The following UNC13C variants were observed in gnomAD, a reference collection of about 807,000 sequenced individuals.
The protein encoded by UNC13C is protein unc-13 homolog C.
A neutral mutation model predicts 245.4 loss-of-function variants in UNC13C; 174 were observed. The ratio of observed to expected loss-of-function variants is 0.71; its 90% CI spans 0.63 to 0.80. The LOEUF (loss-of-function observed/expected upper bound fraction) is 0.80. UNC13C is among the 30% of genes least tolerant of loss of function. UNC13C has a pLI of 0.00. For missense variants in UNC13C, 2,829 were observed against 2,602.9 expected, an observed-to-expected ratio of 1.09 and a Z score of -1.89; for synonymous variants, 992 against 895.1, an observed-to-expected ratio of 1.11 and a Z score of -1.93.
At chr15:54,390,375 A>G (rs1434959393) in intron 17 of UNC13C, among the ~76,000 whole-genome samples, 1 of 152,116 alleles carries the variant, frequency 6.6e-6, no homozygotes. Context: ...TGACTTTGTA[A>G]ACATGACCAT....
Position 54,014,786 on chromosome 15 carries a change from G to C in UNC13C, c.1883G>C (p.Gly628Ala), listed in dbSNP as rs977815317. Residue 628 changes from glycine to alanine, a missense_variant, in exon 2 of 33, where the codon GGA becomes GCA. By Grantham distance (60) the Gly-to-Ala change is moderately conservative (BLOSUM62 0). Coordinates refer to ENST00000260323, the MANE Select transcript of UNC13C (RefSeq NM_001080534.3). ...GAAAACACAGAAACTGTGGATAGTG[G>C]AATGAGTAATGGCATGGTGTGTGCA... is the stretch of plus-strand genomic sequence containing the variant. ...ETENTETVDS[G>A]MSNGMVCASG... 14 of 1,613,888 alleles carry C rather than the reference G, an allele frequency of 8.7e-6. No homozygotes were observed. The highest frequency in any genetic ancestry group is 1.1e-5 in the Non-Finnish European group (13 of 1,179,846).
chr15:54,507,894 T>A (rs74016633), intron 23 of UNC13C, among the ~76,000 whole-genome samples: 15,525 of 151,308 alleles, frequency 0.1, 2,021 homozygotes, highest in African/African-American at 0.31. Flanking sequence ...GGTTTTTTTT[T>A]AAAAAAAAGA....
At chr15:54,088,370 G>A (rs1442117846) in intron 2 of UNC13C, among the ~76,000 whole-genome samples, 1 of 151,946 alleles carries the variant, frequency 6.6e-6, no homozygotes. Context: ...AGGAAAAGTT[G>A]GGCAGAGAGG....
chr15:54,552,646 T>G (rs1241075354), intron 28 of UNC13C, among the ~76,000 whole-genome samples: 1 of 80,238 alleles, frequency 1.2e-5, no homozygotes, highest in Admixed American at 2.2e-4. Context: ...TATAATATAA[T>G]TATATAATTA....
Position 54,623,794 on chromosome 15 carries a change from G to C in UNC13C, c.6200-1G>C. 1 of 1,601,284 alleles carries C rather than the reference G, an allele frequency of 6.2e-7. No individual in the cohort carries two copies. The highest frequency in any genetic ancestry group is 8.5e-7 in the Non-Finnish European group (1 of 1,175,326). ...AAAATGTGATATTTCCTTTTTTTTA[G>C]TGATTGCTATTAATGACCTAAACTG... On this transcript the variant is annotated splice_acceptor_variant, in intron 31 of 32. Coordinates refer to ENST00000260323, the MANE Select transcript of UNC13C (RefSeq NM_001080534.3). LOFTEE classifies it high-confidence loss of function.
At chr15:54,188,497 T>A (rs2034071703) in intron 4 of UNC13C, among the ~76,000 whole-genome samples, 1 of 152,198 alleles carries the variant, frequency 6.6e-6, no homozygotes, top group Non-Finnish European at 1.5e-5. Flanking sequence ...CTACATTTAT[T>A]TTAAATTCAT....
At chr15:54,554,092 A>G (rs1256582203) in intron 28 of UNC13C, among the ~76,000 whole-genome samples, 2 of 152,032 alleles carry the variant, frequency 1.3e-5, no homozygotes, top group Non-Finnish European at 2.9e-5. Flanking sequence ...GCAGTATCCA[A>G]AGACAATGAT....
intron 19 of UNC13C, chr15:54,416,972 T>G (rs1294784163): frequency 4.4e-6 from 2 of 456,606 alleles, no homozygotes; most frequent in African/African-American, 2.0e-5. Context: ...TAAGCAGCCA[T>G]GGAGGGCTCA....
At chr15:54,409,487 G>C (rs1183476877) in intron 18 of UNC13C, among the ~76,000 whole-genome samples, 1 of 152,068 alleles carries the variant, frequency 6.6e-6, no homozygotes, top group African/African-American at 2.4e-5. Flanking sequence ...CAGATGATAA[G>C]CATAGTAGCC....
chr15:54,227,933 C>G (rs2035438903), intron 4 of UNC13C, among the ~76,000 whole-genome samples: 1 of 152,198 alleles, frequency 6.6e-6, no homozygotes, highest in Non-Finnish European at 1.5e-5. Context: ...TCCTTCCCTT[C>G]AGGATAGTGA....
intron 17 of UNC13C, among the ~76,000 whole-genome samples, chr15:54,383,969 A>G (rs991435888): frequency 3.3e-5 from 5 of 152,148 alleles, no homozygotes; most frequent in Non-Finnish European, 7.4e-5. Context: ...AAAGACCTCT[A>G]CAAGGAAAAC....
Position 54,561,450 on chromosome 15 carries a change from G to A in UNC13C, c.5958+5938G>A, listed in dbSNP as rs12900512. Among the ~76,000 whole-genome samples the A allele has an allele frequency of 4.0e-5, 6 of 151,864 alleles. No homozygotes were observed. The South Asian group carries it at 6.2e-4, about 16-fold the overall frequency. Reference sequence around the variant, plus strand: ...CAATGGTCTTGAAAGACAGATGGGCGTTTACAGGCTGGATAGAAAGTTTTT... The same window carrying A: ...CAATGGTCTTGAAAGACAGATGGGCATTTACAGGCTGGATAGAAAGTTTTT... On this transcript the variant is annotated intron_variant, in intron 29 of 32. Transcript: ENST00000260323.
intron 4 of UNC13C, among the ~76,000 whole-genome samples, chr15:54,219,170 G>A (rs1437550237): frequency 6.6e-6 from 1 of 152,028 alleles, no homozygotes; most frequent in Non-Finnish European, 1.5e-5. Context: ...AACAAAGCTG[G>A]AGGCATCACG....
intron 4 of UNC13C, among the ~76,000 whole-genome samples, chr15:54,194,875 G>GT (rs1325586001): frequency 2.6e-5 from 4 of 152,014 alleles, no homozygotes; most frequent in South Asian, 2.1e-4. Context: ...CACTAAACAT[G>GT]TTTTTGTGAG....
intron 17 of UNC13C, among the ~76,000 whole-genome samples, chr15:54,380,292 T>C (rs745827950): frequency 6.6e-6 from 1 of 152,160 alleles, no homozygotes; most frequent in Non-Finnish European, 1.5e-5. Context: ...AGTTCATCCA[T>C]GAAGCAACAT....
chr15:53,856,787 A>C, the UNC13C span, among the ~76,000 whole-genome samples: 6 of 152,154 alleles, frequency 3.9e-5, no homozygotes, highest in Non-Finnish European at 2.9e-5. Context: ...GTAGATACCT[A>C]TCAGGTCCAC....
chr15:54,285,796 C>T (rs570648867), intron 10 of UNC13C, among the ~76,000 whole-genome samples: 51 of 151,374 alleles, frequency 3.4e-4, no homozygotes, highest in Non-Finnish European at 6.3e-4. Context: ...TTGATATATA[C>T]GCTTATAGCT....
At chr15:54,209,247 T>G (rs193178825) in intron 4 of UNC13C, among the ~76,000 whole-genome samples, 1 of 152,248 alleles carries the variant, frequency 6.6e-6, no homozygotes, top group African/African-American at 2.4e-5. Flanking sequence ...GCTCTTGTAT[T>G]TGAAGTTCTG....
intron 4 of UNC13C, among the ~76,000 whole-genome samples, chr15:54,164,487 T>TA (rs915297918): frequency 1.3e-5 from 2 of 152,056 alleles, no homozygotes; most frequent in Non-Finnish European, 2.9e-5. Flanking sequence ...TATAAATAAG[T>TA]AAAAAAATCT....
Sources: allele counts gnomAD v4.1 joint callset (sites outside exome capture counted in the v4.1 genomes callset), GRCh38; gene constraint gnomAD v4.1.1; transcripts MANE v1.5; gene names NCBI Gene and HGNC (gene_info 2026-07-23, HGNC 2026-07-21).